The following ANKRD42 variants were observed in gnomAD, a reference collection of about 807,000 sequenced individuals.
ANKRD42 encodes the protein ankyrin repeat domain 42.
A neutral mutation model predicts 51.5 loss-of-function variants in ANKRD42; 43 were observed. That is an observed-to-expected ratio of 0.83 (90% CI 0.65 to 1.08). The LOEUF is 1.08. Ranked by LOEUF, ANKRD42 falls within the 50% of genes least tolerant of loss-of-function variation. The pLI is 0.00. For missense variants in ANKRD42, 608 were observed against 629.3 expected (o/e 0.97, Z 0.36); for synonymous variants, 203 against 213.0 (o/e 0.95, Z 0.41).
intron 11 of ANKRD42, among the ~76,000 whole-genome samples, chr11:83,254,896 G>T (rs988991402): frequency 9.2e-5 from 14 of 152,050 alleles, no homozygotes; most frequent in African/African-American, 2.7e-4. Context: ...CAAACACCTG[G>T]CCACTGTAAG....
chr11:83,251,841 G>A (rs1863680308), downstream of ANKRD42, among the ~76,000 whole-genome samples: 1 of 152,152 alleles, frequency 6.6e-6, no homozygotes, highest in Admixed American at 6.6e-5. Flanking sequence ...ATTGGAAGTT[G>A]AGATGATAAA....
intron 5 of ANKRD42, chr11:83,215,077 A>G (rs1862479753): frequency 6.6e-6 from 1 of 152,200 alleles, no homozygotes. Context: ...TTTTTGTGTG[A>G]ATTATATTTC....
intron 9 of ANKRD42, among the ~76,000 whole-genome samples, chr11:83,244,952 T>G (rs2135556297): frequency 6.6e-6 from 1 of 152,236 alleles, no homozygotes; most frequent in South Asian, 2.1e-4. Context: ...TTGTCCAGGC[T>G]GGAGTGCAGT....
rs922582887 is a variant in ANKRD42 at position 83,241,123 on chromosome 11, T to G, written c.1195+189T>G. On this transcript the variant is annotated intron_variant, in intron 9 of 10. Coordinates refer to ENST00000533342, the MANE Select transcript of ANKRD42 (RefSeq NM_001300975.2). ...TTGAACATATAAAAAGTATAAGACATAATCTCTGTCCCTCAGGGGGTGGAA... is the reference window on the plus strand; with the variant it reads ...TTGAACATATAAAAAGTATAAGACAGAATCTCTGTCCCTCAGGGGGTGGAA... Among the ~76,000 whole-genome samples, 56 of 152,192 alleles carry G rather than the reference T, an allele frequency of 3.7e-4. 1 individual carries two copies. The highest frequency in any genetic ancestry group is 1.4e-3 in the African/African-American group (56 of 41,460).
At chr11:83,221,305 T>G (rs1258494507) in intron 5 of ANKRD42, among the ~76,000 whole-genome samples, 2 of 152,242 alleles carry the variant, frequency 1.3e-5, no homozygotes, top group East Asian at 3.8e-4. Context: ...TAGGTTTCTT[T>G]GAGATCACTA....
At chr11:83,203,309 C>G (rs2135486248) in intron 2 of ANKRD42, among the ~76,000 whole-genome samples, 1 of 151,990 alleles carries the variant, frequency 6.6e-6, no homozygotes, top group East Asian at 1.9e-4. Flanking sequence ...TGGATTTTAA[C>G]AAGCATAAAC....
intron 4 of ANKRD42, 38 bp downstream of exon 4, chr11:83,210,457 A>G: frequency 1.2e-6 from 2 of 1,607,600 alleles, no homozygotes; most frequent in Non-Finnish European, 1.7e-6. Context: ...ATGTGTGATA[A>G]TATAGATGGA....
rs188892569 is a variant in ANKRD42, at chr11:83,221,291, C to A, written c.587-3564C>A. On this transcript the variant is annotated intron_variant, in intron 5 of 10. Transcript: ENST00000533342. The stretch of plus-strand genomic sequence containing the variant: ...TTCTGTGATCAATTTCTGAATTGTT[C>A]TTCTAGGTTTCTTTGAGATCACTAA... Among the ~76,000 whole-genome samples the A allele has an allele frequency of 2.0e-3, 303 of 152,156 alleles. 1 individual carries two copies. The highest frequency in any genetic ancestry group is 7.1e-3 in the African/African-American group (295 of 41,518).
chr11:83,200,803 T>G (rs1861839232), intron 2 of ANKRD42, among the ~76,000 whole-genome samples: 1 of 152,200 alleles, frequency 6.6e-6, no homozygotes, highest in African/African-American at 2.4e-5. Context: ...CTTAAAACCC[T>G]GTAGTAACTC....
At chr11:83,202,843 G>T (rs1244699397) in intron 2 of ANKRD42, among the ~76,000 whole-genome samples, 1 of 152,032 alleles carries the variant, frequency 6.6e-6, no homozygotes, top group Non-Finnish European at 1.5e-5. Flanking sequence ...ACAATACCTA[G>T]TGTAATATCT....
intron 7 of ANKRD42, among the ~76,000 whole-genome samples, chr11:83,235,083 C>A (rs989345737): frequency 6.6e-6 from 1 of 152,198 alleles, no homozygotes; most frequent in African/African-American, 2.4e-5. Context: ...CAGCACCAAC[C>A]ATGTGCCTGT....
At chr11:83,216,890 G>A (rs938362047) in intron 5 of ANKRD42, among the ~76,000 whole-genome samples, 1 of 152,174 alleles carries the variant, frequency 6.6e-6, no homozygotes, top group Non-Finnish European at 1.5e-5. Flanking sequence ...CACCCCAACT[G>A]CTGTTGGGAA....
downstream of ANKRD42, chr11:83,259,685 T>G (rs1326801240): frequency 1.3e-5 from 2 of 152,082 alleles, no homozygotes; most frequent in Non-Finnish European, 1.5e-5. Flanking sequence ...CAGGGTCTCA[T>G]GTGTTGCCAG....
downstream of ANKRD42, among the ~76,000 whole-genome samples, chr11:83,263,413 T>G (rs1272691608): frequency 6.6e-6 from 1 of 152,188 alleles, no homozygotes; most frequent in African/African-American, 2.4e-5. Context: ...CATCTCCAAT[T>G]TCTTTTAAGT....
At chr11:83,198,423 T>A in intron 1 of ANKRD42, 56 bp from the exon 2 acceptor site, 1 of 1,455,486 alleles carries the variant, frequency 6.9e-7, no homozygotes, top group South Asian at 1.3e-5. Flanking sequence ...TGTTTTAGTC[T>A]TTTTTTTTCT....
chr11:83,195,884 C>G (rs979544586), intron 1 of ANKRD42, among the ~76,000 whole-genome samples: 2 of 149,300 alleles, frequency 1.3e-5, no homozygotes, highest in East Asian at 3.9e-4. Flanking sequence ...TTGCTCTGTC[C>G]CCCATGCTGG....
At position 83,206,161 on chromosome 11, in the gene ANKRD42, T is replaced by C. The variant is rs1254548891; in HGVS notation, c.326T>C (p.Val109Ala). Residue 109 changes from valine (V) to alanine (A), a missense_variant, in exon 3 of 11, where the codon GTA becomes GCA. Coordinates refer to ENST00000533342, the MANE Select transcript of ANKRD42 (RefSeq NM_001300975.2). Reference protein sequence around the residue: ...IAAIRGQDACVQALIMNGANL... With the variant: ...IAAIRGQDACAQALIMNGANL... ...GCAATCAGGGGTCAGGATGCTTGTG[T>C]ACAGGTAATAATATTACTTTTTTCA... is the stretch of plus-strand genomic sequence containing the variant. 2 of 1,609,622 alleles carry C rather than the reference T, an allele frequency of 1.2e-6. No individual in the cohort carries two copies. Among genetic ancestry groups the C allele is most frequent in the South Asian group, 2.2e-5 (2 of 90,946 alleles).
downstream of ANKRD42, among the ~76,000 whole-genome samples, chr11:83,263,466 A>C (rs537556415): frequency 6.6e-6 from 1 of 152,288 alleles, no homozygotes; most frequent in African/African-American, 2.4e-5. Flanking sequence ...GACATTCTAC[A>C]TATATGTAAA....
chr11:83,222,449 A>T (rs1862744587), intron 5 of ANKRD42, among the ~76,000 whole-genome samples: 1 of 152,176 alleles, frequency 6.6e-6, no homozygotes, highest in Non-Finnish European at 1.5e-5. Context: ...TTATATAGGG[A>T]TATGTGTTTA....
Sources: allele counts gnomAD v4.1 joint callset (sites outside exome capture counted in the v4.1 genomes callset), GRCh38; gene constraint gnomAD v4.1.1; transcripts MANE v1.5; gene names NCBI Gene and HGNC (gene_info 2026-07-23, HGNC 2026-07-21).